UIMC1: variants seen among roughly 807,000 people sequenced by gnomAD.
UIMC1 encodes BRCA1-A complex subunit RAP80.
In UIMC1, 42 loss-of-function variants were observed where a neutral mutation model predicts 84.9. The ratio of observed to expected loss-of-function variants is 0.49; its 90% CI spans 0.39 to 0.64. UIMC1 has a LOEUF of 0.64. Ranked by LOEUF, UIMC1 falls within the 30% of genes least tolerant of loss-of-function variation. The pLI is 0.00. For synonymous variants in UIMC1, 281 were observed against 293.0 expected (o/e 0.96, Z 0.42); for missense variants, 825 against 847.6 (o/e 0.97, Z 0.33).
At chr5:176,905,779 G>A (rs935082464) in intron 14 of UIMC1, 1 of 626,358 alleles carries the variant, frequency 1.6e-6, no homozygotes, top group Non-Finnish European at 2.7e-6. Flanking sequence ...GAGAGGTACA[G>A]AAGAATAAGA....
At chr5:177,005,577 GTA>G (rs1000753055) in intron 1 of UIMC1, among the ~76,000 whole-genome samples, 2 of 151,456 alleles carry the variant, frequency 1.3e-5, no homozygotes, top group Non-Finnish European at 2.9e-5. Flanking sequence ...TGCGTCGTAG[GTA>G]TTCATATCAC....
intron 1 of UIMC1, among the ~76,000 whole-genome samples, chr5:176,997,820 C>T (rs181822081): frequency 6.6e-6 from 1 of 152,092 alleles, no homozygotes; most frequent in African/African-American, 2.4e-5. Context: ...TTTCTAAGCT[C>T]TCTCACAGTT....
chr5:176,952,716 G>T (rs1226384928), intron 8 of UIMC1, among the ~76,000 whole-genome samples: 2 of 152,140 alleles, frequency 1.3e-5, no homozygotes, highest in Admixed American at 1.3e-4. Flanking sequence ...AGGATCACTT[G>T]AGGTCAGGAG....
rs1450977258 is a variant in UIMC1 at position 176,958,102 on chromosome 5, G to C, written c.1253C>G (p.Ala418Gly). 3 of 1,613,506 alleles carry C rather than the reference G, an allele frequency of 1.9e-6. No homozygotes were observed. In the African/African-American group the frequency reaches 4.0e-5, roughly 22 times the overall value. ...ACATATAATCTCTCACCTTTGTGAA[G>C]CAGGTACAGAGTTTCCCTCTTCAGA... ...ETSEEGNSVP[A>G]SQSVAALTSK... Residue 418 changes from alanine (A) to glycine (G), a missense_variant, in exon 7 of 15, where the codon GCT becomes GGT. By Grantham distance (60) the Ala-to-Gly change is moderately conservative. Coordinates refer to ENST00000511320, the MANE Select transcript of UIMC1 (RefSeq NM_001199298.2).
In UIMC1 at chr5:176,905,028, TAA is replaced by T. The variant is rs1028758690; in HGVS notation, c.*252_*253del. The T allele has an allele frequency of 5.3e-5, 18 of 337,096 alleles. No homozygotes were observed. The highest frequency in any genetic ancestry group is 3.6e-4 in the African/African-American group (17 of 46,746). The allele number at this position is 337,096 out of a possible 1,614,324, so 20.9% of individuals were successfully genotyped here. A position where few individuals can be genotyped will look rare whatever the true frequency, so the allele number is the denominator to read the frequency against. On this transcript the variant is annotated 3_prime_UTR_variant, in exon 15 of 15. Transcript: ENST00000511320. ...AAATTAAAATTTCCATCTATTGAAA[TAA>T]GATTTCGTACAAACATAAATATATT...
upstream of UIMC1, among the ~76,000 whole-genome samples, chr5:177,010,141 A>G (rs1775513968): frequency 6.6e-6 from 1 of 152,180 alleles, no homozygotes; most frequent in South Asian, 2.1e-4. Context: ...TGTTGAGCCC[A>G]GGAGTTCCAG....
intron 10 of UIMC1, among the ~76,000 whole-genome samples, chr5:176,939,504 T>C (rs1461655447): frequency 6.6e-6 from 1 of 152,124 alleles, no homozygotes; most frequent in Non-Finnish European, 1.5e-5. Flanking sequence ...TTTTCTGTGT[T>C]TCTATGTGTT....
rs1325198452 is a variant in UIMC1, at chr5:176,906,065, AAAT to A, written c.1913-21_1913-19del. 1.9e-6 allele frequency: 3 copies of A among 1,612,648 alleles called. No homozygotes were observed. The highest frequency in any genetic ancestry group is 2.2e-5 in the East Asian group (1 of 44,866). ...GTCTGCATCTGTGATATAAAAGAAA[AAAT>A]AATAATGTTGGTAGTAGTGTTGGTA... On this transcript the variant is annotated intron_variant, in intron 13 of 14. Transcript: ENST00000511320.
intron 10 of UIMC1, 73 bp downstream of exon 10, chr5:176,943,262 G>T: frequency 6.7e-7 from 1 of 1,502,304 alleles, no homozygotes; most frequent in Non-Finnish European, 8.9e-7. Context: ...TTTTTTCCCT[G>T]CATTGTAATG....
In UIMC1 at chr5:176,912,992, G is replaced by A. The variant is rs747219565; in HGVS notation, c.1598-1603C>T. 1.6e-4 allele frequency among the ~76,000 whole-genome samples: 24 copies of A among 152,234 alleles called. No individual in the cohort carries two copies. The Middle Eastern group carries it at 0.01, about 65-fold the overall frequency. ...CAACTTGGCTGTATCTTTTCACTGA[G>A]GGAAATTCACTTCCCCCTAGGGAAA... On this transcript the variant is annotated intron_variant, in intron 10 of 14. Coordinates refer to ENST00000511320, the MANE Select transcript of UIMC1 (RefSeq NM_001199298.2).
chr5:176,958,027 T>C (rs1245365197), intron 7 of UIMC1, 66 bp downstream of exon 7: 16 of 1,513,180 alleles, frequency 1.1e-5, no homozygotes, highest in Non-Finnish European at 1.3e-5. Context: ...GTCTCACTCA[T>C]GTGGTTCATC....
Position 176,993,745 on chromosome 5 carries a change from C to T in UIMC1, c.-8-11122G>A, listed in dbSNP as rs145817935. ...AAAATCTGCCAGGCGCGGTGGCTCACGCCTGTAATCCCACCACATTGGGAG... is the reference window on the plus strand; with the variant it reads ...AAAATCTGCCAGGCGCGGTGGCTCATGCCTGTAATCCCACCACATTGGGAG... On this transcript the variant is annotated intron_variant, in intron 1 of 14. Transcript: ENST00000511320. Among the ~76,000 whole-genome samples, 28 of 152,180 alleles carry T rather than the reference C, an allele frequency of 1.8e-4. No homozygotes were observed. In the East Asian group the frequency reaches 4.8e-3, roughly 26 times the overall value.
intron 1 of UIMC1, among the ~76,000 whole-genome samples, chr5:176,997,419 C>T (rs1049766368): frequency 5.3e-5 from 8 of 152,122 alleles, no homozygotes; most frequent in Non-Finnish European, 1.0e-4. Context: ...GGCACGGTGG[C>T]TCACACCTGT....
intron 14 of UIMC1, chr5:176,905,795 C>CAAAA: frequency 1.6e-6 from 1 of 637,604 alleles, no homozygotes; most frequent in Admixed American, 3.0e-5. Context: ...TAAGACATAA[C>CAAAA]TTTCACTCTG....
rs1204032413 is a variant in UIMC1, at chr5:176,960,657, G to A, written c.1201-2503C>T. On this transcript the variant is annotated intron_variant, in intron 6 of 14. Transcript: ENST00000511320. ...CGTCTCCGTCTCCGTCTCCGTCTCC[G>A]TCTCCGTCTCCCCACGGTCTCCCTC... Among the ~76,000 whole-genome samples, 10 of 24,586 alleles carry A rather than the reference G, an allele frequency of 4.1e-4. 4 individuals are homozygous for A. The highest frequency in any genetic ancestry group is 6.8e-4 in the Non-Finnish European group (10 of 14,620). 16.1% of individuals were successfully genotyped at this position (24,586 alleles called of 152,430 possible).
chr5:176,972,153 C>T (rs1354052739), intron 3 of UIMC1, among the ~76,000 whole-genome samples: 1 of 152,134 alleles, frequency 6.6e-6, no homozygotes, highest in Non-Finnish European at 1.5e-5. Context: ...GTAATCCCAG[C>T]ACTTTGGGAG....
chr5:176,972,074 G>A (rs1203380904), intron 3 of UIMC1, among the ~76,000 whole-genome samples: 2 of 151,950 alleles, frequency 1.3e-5, no homozygotes, highest in Admixed American at 1.3e-4. Context: ...CTATACTACT[G>A]GGTAACCAAG....
At chr5:176,970,615 T>C (rs1769062737) in intron 4 of UIMC1, 127 bp downstream of exon 4, 5 of 1,451,866 alleles carry the variant, frequency 3.4e-6, no homozygotes, top group Non-Finnish European at 4.8e-6. Flanking sequence ...AAAATTACTA[T>C]GGGAATTTTT....
chr5:176,982,455 T>C lies in UIMC1; in HGVS notation c.147+14A>G. The C allele has an allele frequency of 6.2e-7, 1 of 1,606,170 alleles. No homozygotes were observed. Among genetic ancestry groups the C allele is most frequent in the Non-Finnish European group, 8.5e-7 (1 of 1,177,816 alleles). On this transcript the variant is annotated intron_variant, in intron 2 of 14. Coordinates refer to ENST00000511320, the MANE Select transcript of UIMC1 (RefSeq NM_001199298.2). ...GAGAGCTACAGCTCTACTTTTCAGC[T>C]CTACTTCACTAACCTCTCCATCACT...
Sources: allele counts gnomAD v4.1 joint callset (sites outside exome capture counted in the v4.1 genomes callset), GRCh38; gene constraint gnomAD v4.1.1; transcripts MANE v1.5; gene names NCBI Gene and HGNC (gene_info 2026-07-23, HGNC 2026-07-21).